Variants in CPNE3 observed in about 807,000 individuals in gnomAD.
The protein encoded by CPNE3 is copine 3.
In CPNE3, 68 loss-of-function variants were observed where a neutral mutation model predicts 63.9. That is an observed-to-expected ratio of 1.06 (90% CI 0.87 to 1.30). CPNE3 has a LOEUF of 1.30. CPNE3 is among the 50% of genes most tolerant of loss of function. The pLI, the probability that CPNE3 is intolerant of heterozygous loss-of-function variation, is 0.00. For missense variants in CPNE3, 665 were observed against 578.1 expected (o/e 1.15, Z -1.54); for synonymous variants, 219 against 197.5 (o/e 1.11, Z -0.91).
intron 9 of CPNE3, among the ~76,000 whole-genome samples, chr8:86,545,607 C>T (rs1341078306): frequency 2.0e-5 from 3 of 152,148 alleles, no homozygotes; most frequent in Non-Finnish European, 4.4e-5. Context: ...AGATCCTGAA[C>T]CATCAAAGAA....
rs1420081718 is a variant in CPNE3, at chr8:86,535,197, C to T, written c.460-2366C>T. Among the ~76,000 whole-genome samples, 9 of 152,142 alleles carry T rather than the reference C, an allele frequency of 5.9e-5. No homozygotes were observed. In the East Asian group the frequency reaches 1.7e-3, roughly 29 times the overall value. On this transcript the variant is annotated intron_variant, in intron 6 of 16. Coordinates refer to ENST00000517490, the MANE Select transcript of CPNE3 (RefSeq NM_003909.5). ...CCTTAGACTGGCAGATTAAAAGGAACCTTACTTTATTTTGGTGGAATTGGT... is the reference window on the plus strand; with the variant it reads ...CCTTAGACTGGCAGATTAAAAGGAATCTTACTTTATTTTGGTGGAATTGGT...
Position 86,544,776 on chromosome 8 carries a change from G to T in CPNE3, c.670G>T (p.Asp224Tyr). 6.3e-7 allele frequency: 1 copy of T among 1,577,302 alleles called. No homozygotes were observed. The highest frequency in any genetic ancestry group is 8.6e-7 in the Non-Finnish European group (1 of 1,160,558). The change falls in exon 9 of 17, where the codon GAT becomes TAT. Residue 224 changes from aspartate (D) to tyrosine (Y), a missense_variant. Coordinates refer to ENST00000517490, the MANE Select transcript of CPNE3 (RefSeq NM_003909.5). ...CYDYDNDGSH[D>Y]LIGTFQTTMT... ...TGATTATGACAATGATGGGTCACAT[G>T]ATCTCATTGGAACATTTCAGACCAC...
intron 14 of CPNE3, among the ~76,000 whole-genome samples, chr8:86,551,770 C>T (rs138532047): frequency 0.013 from 2,020 of 152,294 alleles, 22 homozygotes; most frequent in Non-Finnish European, 0.02. Context: ...TAGCAGCTTT[C>T]CTCTGTGTAG....
rs769392989 is a variant in CPNE3, at chr8:86,532,500, T to A, written c.388-9T>A. 6.2e-7 allele frequency: 1 copy of A among 1,604,650 alleles called. No homozygotes were observed. The highest frequency in any genetic ancestry group is 8.5e-7 in the Non-Finnish European group (1 of 1,175,962). On this transcript the variant is annotated splice_polypyrimidine_tract_variant and intron_variant, in intron 5 of 16. Coordinates refer to ENST00000517490, the MANE Select transcript of CPNE3 (RefSeq NM_003909.5). ...CATATTTTCTTTCACTTACCTGATC[T>A]ACTCATAGATTTCAGCTGAAGAAAT...
rs974029772 is a variant in CPNE3, at chr8:86,531,047, A to G, written c.313-108A>G. ...AAACCAACTGAATGTTTCTATTTCT[A>G]ATGACTTTAAGTGAACCTTATACTC... On this transcript the variant is annotated intron_variant, in intron 4 of 16. Transcript: ENST00000517490. 7 of 661,956 alleles carry G rather than the reference A, an allele frequency of 1.1e-5. No individual in the cohort carries two copies. In the African/African-American group the frequency reaches 1.3e-4, roughly 12 times the overall value. The allele number at this position is 661,956 out of a possible 1,614,324, so 41.0% of individuals were successfully genotyped here. A position where few individuals can be genotyped will look rare whatever the true frequency, so the allele number is the denominator to read the frequency against.
rs1191380762 is a variant in CPNE3, at chr8:86,553,050, G to A, written c.1121-1801G>A. ...GGCTAATTTTTGTATTTTTAGTAAAGACAGGGTTTCACCATGTTGGCCAGG... is the reference window on the plus strand; with the variant it reads ...GGCTAATTTTTGTATTTTTAGTAAAAACAGGGTTTCACCATGTTGGCCAGG... On this transcript the variant is annotated intron_variant, in intron 14 of 16. Coordinates refer to ENST00000517490, the MANE Select transcript of CPNE3 (RefSeq NM_003909.5). 2.8e-5 allele frequency among the ~76,000 whole-genome samples: 4 copies of A among 143,320 alleles called. No homozygotes were observed. In the East Asian group the frequency reaches 8.4e-4, roughly 30 times the overall value. The allele number at this position is 143,320 out of a possible 152,430, so 94.0% of individuals were successfully genotyped here.
Position 86,532,593 on chromosome 8 carries a change from T to C in CPNE3, c.459+13T>C, listed in dbSNP as rs1295212577. 4 of 1,602,760 alleles carry C rather than the reference T, an allele frequency of 2.5e-6. No homozygotes were observed. In the African/African-American group the frequency reaches 4.0e-5, roughly 16 times the overall value. ...ACTGGATAATAAGGTGGGTAGACTA[T>C]GCAGATTTCAAAAAGGTTGTCATGT... On this transcript the variant is annotated intron_variant, in intron 6 of 16. Coordinates refer to ENST00000517490, the MANE Select transcript of CPNE3 (RefSeq NM_003909.5).
intron 8 of CPNE3, among the ~76,000 whole-genome samples, chr8:86,542,149 C>G (rs1000499123): frequency 6.6e-6 from 1 of 152,198 alleles, no homozygotes; most frequent in African/African-American, 2.4e-5. Flanking sequence ...TTGTTTTTAA[C>G]TATACACAAC....
At chr8:86,524,394 G>A (rs1820495600) in intron 2 of CPNE3, among the ~76,000 whole-genome samples, 1 of 152,080 alleles carries the variant, frequency 6.6e-6, no homozygotes, top group Admixed American at 6.5e-5. Flanking sequence ...CAGAACGTTA[G>A]GGTGACTGGG....
At chr8:86,545,889 C>T (rs753048189) in intron 9 of CPNE3, among the ~76,000 whole-genome samples, 1 of 151,974 alleles carries the variant, frequency 6.6e-6, no homozygotes, top group Non-Finnish European at 1.5e-5. Flanking sequence ...GAGTATGTAA[C>T]TAAATTTCAT....
intron 9 of CPNE3, among the ~76,000 whole-genome samples, chr8:86,546,146 A>G (rs1821044372): frequency 6.6e-6 from 1 of 152,030 alleles, no homozygotes; most frequent in Admixed American, 6.6e-5. Flanking sequence ...TGGGCTTCAT[A>G]TATTTGTTTT....
At chr8:86,540,100 G>A in intron 7 of CPNE3, 145 bp from the exon 8 acceptor site, 1 of 610,228 alleles carries the variant, frequency 1.6e-6, no homozygotes, top group South Asian at 1.9e-5. Context: ...TATTGTTCTA[G>A]GTAGTTTTTT....
In CPNE3 at chr8:86,558,675, AGC is replaced by A; in HGVS notation, c.*266_*267del. Reference sequence around the variant, plus strand: ...TTGGATTAGAAATTAGTGTGGGGAAAGCTTATTCTGTTGTTGTTTTTGTTTAC... The same window carrying A: ...TTGGATTAGAAATTAGTGTGGGGAAATTATTCTGTTGTTGTTTTTGTTTAC... On this transcript the variant is annotated 3_prime_UTR_variant, in exon 17 of 17. Transcript: ENST00000517490. 1 of 367,598 alleles carries A rather than the reference AGC, an allele frequency of 2.7e-6. No individual in the cohort carries two copies. Among genetic ancestry groups the A allele is most frequent in the South Asian group, 3.9e-5 (1 of 25,838 alleles). 22.8% of individuals were successfully genotyped at this position (367,598 alleles called of 1,614,324 possible). A position where few individuals can be genotyped will look rare whatever the true frequency, so the allele number is the denominator to read the frequency against.
rs545682862 is a variant in CPNE3, at chr8:86,557,755, T to TAC, written c.1492-515_1492-514dup. The stretch of plus-strand genomic sequence containing the variant: ...TTATACAGAAACAAACACACACACA[T>TAC]ACACACACACACACACACAAATGAG... On this transcript the variant is annotated intron_variant, in intron 16 of 16. Transcript: ENST00000517490. Among the ~76,000 whole-genome samples, 565 of 148,872 alleles carry TAC rather than the reference T, an allele frequency of 3.8e-3. 11 individuals carry two copies. The highest frequency in any genetic ancestry group is 0.031 in the South Asian group (143 of 4,680).
chr8:86,557,979 A>T (rs1387438961), intron 16 of CPNE3, among the ~76,000 whole-genome samples: 1 of 152,232 alleles, frequency 6.6e-6, no homozygotes, highest in African/African-American at 2.4e-5. Context: ...GTAAAAAAAA[A>T]TTAATACCAA....
Position 86,554,856 on chromosome 8 carries a change from C to A in CPNE3, c.1126C>A (p.Gln376Lys). The change falls in exon 15 of 17, where the codon CAA (glutamine) becomes AAA (lysine). Residue 376 changes from glutamine (Q) to lysine (K), a missense_variant. Coordinates refer to ENST00000517490, the MANE Select transcript of CPNE3 (RefSeq NM_003909.5). ...TATTTGTTTGTTTGTTCTAGGAATCCAAGGCATTGTAGAGGCGTATCGGTC... is the reference window on the plus strand; with the variant it reads ...TATTTGTTTGTTTGTTCTAGGAATCAAAGGCATTGTAGAGGCGTATCGGTC... ...NPSNPYCNGI[Q>K]GIVEAYRSCL... is the part of the protein sequence containing the mutation. The A allele has an allele frequency of 6.2e-7, 1 of 1,612,296 alleles. No homozygotes were observed. Among genetic ancestry groups the A allele is most frequent in the Middle Eastern group, 1.7e-4 (1 of 6,040 alleles).
At chr8:86,529,199 A>C in intron 4 of CPNE3, 75 bp downstream of exon 4, 1 of 1,312,950 alleles carries the variant, frequency 7.6e-7, no homozygotes, top group Admixed American at 2.2e-5. Flanking sequence ...TTTGGTAAGC[A>C]GCATTTAATT....
In CPNE3 at chr8:86,558,550, G is replaced by T. The variant is rs951938115; in HGVS notation, c.*140G>T. ...TCTCTATGGATTATATCTGTTTAAAGCATTCTTTCTAGGTTATTTTGGGGG... is the reference window on the plus strand; with the variant it reads ...TCTCTATGGATTATATCTGTTTAAATCATTCTTTCTAGGTTATTTTGGGGG... On this transcript the variant is annotated 3_prime_UTR_variant, in exon 17 of 17. Transcript: ENST00000517490. 1.3e-5 allele frequency: 9 copies of T among 681,284 alleles called. No individual in the cohort carries two copies. The highest frequency in any genetic ancestry group is 2.5e-4 in the Middle Eastern group (1 of 3,936). The allele number at this position is 681,284 out of a possible 1,614,324, so 42.2% of individuals were successfully genotyped here.
At chr8:86,556,984 A>G (rs999354264) in intron 16 of CPNE3, among the ~76,000 whole-genome samples, 12 of 152,088 alleles carry the variant, frequency 7.9e-5, no homozygotes, top group African/African-American at 2.9e-4. Flanking sequence ...AAGTTTTTGC[A>G]AGTACTTCTT....
Sources: gnomAD v4.1 joint callset for allele counts (sites outside exome capture counted in the v4.1 genomes callset) on GRCh38, gnomAD v4.1.1 for gene constraint, MANE v1.5 for transcripts, NCBI Gene and HGNC (gene_info 2026-07-23, HGNC 2026-07-21) for gene names.